NAAA: variants seen among roughly 807,000 people sequenced by gnomAD.
The protein encoded by NAAA is N-acylethanolamine acid amidase.
In NAAA, 39 loss-of-function variants were observed where a neutral mutation model predicts 44.8. The ratio of observed to expected loss-of-function variants is 0.87; its 90% CI spans 0.67 to 1.14. The LOEUF is 1.14. NAAA is among the 50% of genes most tolerant of loss of function. The pLI is 0.00. For missense variants in NAAA, 460 were observed against 467.8 expected, an observed-to-expected ratio of 0.98 and a Z score of 0.15; for synonymous variants, 178 against 191.3, an observed-to-expected ratio of 0.93 and a Z score of 0.58.
chr4:75,940,130 CCGATTAA>C lies in NAAA; in HGVS notation c.235_241del (p.Leu79GlufsTer26). 1 of 1,614,108 alleles carries C rather than the reference CCGATTAA, an allele frequency of 6.2e-7. No individual in the cohort carries two copies. The highest frequency in any genetic ancestry group is 8.5e-7 in the Non-Finnish European group (1 of 1,180,038). On this transcript the variant is annotated frameshift_variant, in exon 2 of 11. Coordinates refer to ENST00000286733, the MANE Select transcript of NAAA (RefSeq NM_014435.4). LOFTEE classifies it high-confidence loss of function. ...GCGCTCCAGCTCCAGGACCACTTTT[CCGATTAA>C]CACGTGCACCCACTTGGGGACTCTG...
intron 4 of NAAA, among the ~76,000 whole-genome samples, chr4:75,929,725 C>T (rs1388580241): frequency 2.6e-5 from 4 of 152,142 alleles, no homozygotes; most frequent in African/African-American, 7.2e-5. Flanking sequence ...TAAAGAACTG[C>T]TTACTGTGGA....
Position 75,939,979 on chromosome 4 carries a change from C to A in NAAA, c.371+22G>T, listed in dbSNP as rs1356391017. On this transcript the variant is annotated intron_variant, in intron 2 of 10. Coordinates refer to ENST00000286733, the MANE Select transcript of NAAA (RefSeq NM_014435.4). ...GGCCCCCGCAAGCCCCGCGTTACTC[C>A]GCGCGGGCTTGGGGCACTCACACGG... 6 of 1,611,062 alleles carry A rather than the reference C, an allele frequency of 3.7e-6. No homozygotes were observed. The East Asian group carries it at 1.1e-4, about 30-fold the overall frequency.
rs377467304 is a variant in NAAA, at chr4:75,931,256, C to G, written c.547G>C (p.Gly183Arg). 3.7e-6 allele frequency: 6 copies of G among 1,612,796 alleles called. No homozygotes were observed. The African/African-American group carries it at 6.7e-5, about 18-fold the overall frequency. Residue 183 changes from glycine to arginine, a missense_variant, in exon 4 of 11, where the codon GGC becomes CGC. Transcript: ENST00000286733. ...TFIGYVGLWT[G>R]QSPHKFTVSG... ...ACTGTAAACTTGTGTGGGCTCTGGC[C>G]AGTCCATAATCCTACATAGCCAATA...
intron 4 of NAAA, 60 bp downstream of exon 4, chr4:75,931,154 T>G (rs1727191993): frequency 1.5e-6 from 2 of 1,367,180 alleles, no homozygotes; most frequent in Non-Finnish European, 2.1e-6. Context: ...GTGAAGGAAG[T>G]GCTTGGATAG....
Position 75,919,824 on chromosome 4 carries a change from C to G in NAAA, c.969+85G>C, listed in dbSNP as rs1280600450. Reference sequence around the variant, plus strand: ...CTTTTACCCTAACGTTTTCATCTACCAGAAGATTTCACGGAGTTTTTCATA... The same window carrying G: ...CTTTTACCCTAACGTTTTCATCTACGAGAAGATTTCACGGAGTTTTTCATA... On this transcript the variant is annotated intron_variant, in intron 8 of 10. Coordinates refer to ENST00000286733, the MANE Select transcript of NAAA (RefSeq NM_014435.4). 3.1e-6 allele frequency: 4 copies of G among 1,308,920 alleles called. No individual in the cohort carries two copies. In the African/African-American group the frequency reaches 5.8e-5, roughly 19 times the overall value. 81.1% of individuals were successfully genotyped at this position (1,308,920 alleles called of 1,614,324 possible). A position where few individuals can be genotyped will look rare whatever the true frequency, so the allele number is the denominator to read the frequency against.
intron 4 of NAAA, 104 bp from the exon 5 acceptor site, chr4:75,925,915 G>T: frequency 9.3e-7 from 1 of 1,080,132 alleles, no homozygotes; most frequent in Non-Finnish European, 1.4e-6. Flanking sequence ...ATTCACTCAA[G>T]TTTTGAAAGC....
rs765322888 is a variant in NAAA, at chr4:75,931,257, A to C, written c.546T>G (p.Thr182=). 1 of 1,613,158 alleles carries C rather than the reference A, an allele frequency of 6.2e-7. No homozygotes were observed. The highest frequency in any genetic ancestry group is 1.1e-5 in the South Asian group (1 of 91,020). The part of the protein sequence containing the change: ...TTFIGYVGLW[T]GQSPHKFTVS... ...CTGTAAACTTGTGTGGGCTCTGGCC[A>C]GTCCATAATCCTACATAGCCAATAA... Residue 182 remains threonine, a synonymous_variant, in exon 4 of 11, where the codon ACT becomes ACG. Coordinates refer to ENST00000286733, the MANE Select transcript of NAAA (RefSeq NM_014435.4).
In NAAA at chr4:75,930,508, C is replaced by A. The variant is rs187891359; in HGVS notation, c.589+706G>T. 1,276 of 518,050 alleles carry A rather than the reference C, an allele frequency of 2.5e-3. 12 individuals carry two copies. The Middle Eastern group carries it at 0.026, about 11-fold the overall frequency. 32.1% of individuals were successfully genotyped at this position (518,050 alleles called of 1,614,324 possible). A position where few individuals can be genotyped will look rare whatever the true frequency, so the allele number is the denominator to read the frequency against. ...TAAGAAGAAGACATGTGAGGATGTACATGGTAAACCAGAAAGTGCTTTACA... is the reference window on the plus strand; with the variant it reads ...TAAGAAGAAGACATGTGAGGATGTAAATGGTAAACCAGAAAGTGCTTTACA... On this transcript the variant is annotated intron_variant, in intron 4 of 10. Coordinates refer to ENST00000286733, the MANE Select transcript of NAAA (RefSeq NM_014435.4).
Position 75,914,334 on chromosome 4 carries a change from A to C in NAAA, c.*41T>G. ...CTTCAAGAATTTCATTTTTTAAAAA[A>C]TCATCTGTAAGGGAAGAAAAAAACG... On this transcript the variant is annotated 3_prime_UTR_variant, in exon 11 of 11. Transcript: ENST00000286733. 4.1e-6 allele frequency: 4 copies of C among 981,028 alleles called. No individual in the cohort carries two copies. Among genetic ancestry groups the C allele is most frequent in the Non-Finnish European group, 4.8e-6 (4 of 825,780 alleles). 60.8% of individuals were successfully genotyped at this position (981,028 alleles called of 1,614,324 possible).
At chr4:75,923,294 T>G (rs1435295634) in intron 5 of NAAA, among the ~76,000 whole-genome samples, 2 of 152,136 alleles carry the variant, frequency 1.3e-5, no homozygotes. Flanking sequence ...ACCTTTTTGA[T>G]ACAGGAGATA....
chr4:75,913,145 T>C (rs1725398141), downstream of NAAA, among the ~76,000 whole-genome samples: 1 of 152,182 alleles, frequency 6.6e-6, no homozygotes, highest in Non-Finnish European at 1.5e-5. Flanking sequence ...GTAGATTTAC[T>C]GAGCACGAGA....
Position 75,913,780 on chromosome 4 carries a change from CT to C in NAAA, c.*594del, listed in dbSNP as rs1725431054. 1.0e-6 allele frequency: 1 copy of C among 983,630 alleles called. No individual in the cohort carries two copies. The highest frequency in any genetic ancestry group is 1.2e-6 in the Non-Finnish European group (1 of 828,442). 60.9% of individuals were successfully genotyped at this position (983,630 alleles called of 1,614,324 possible). A position where few individuals can be genotyped will look rare whatever the true frequency, so the allele number is the denominator to read the frequency against. ...TTTTCAAAAAGCAGTAAGAAAGTAG[CT>C]ATTGAGAAAGAAGGAGGGCCATAGG... On this transcript the variant is annotated 3_prime_UTR_variant, in exon 11 of 11. Transcript: ENST00000286733.
At chr4:75,918,632 T>A in intron 9 of NAAA, 129 bp downstream of exon 9, 1 of 850,826 alleles carries the variant, frequency 1.2e-6, no homozygotes, top group South Asian at 1.5e-5. Context: ...CCCACAGGAG[T>A]GCCCCCACAG....
At chr4:75,919,779 A>G in intron 8 of NAAA, 130 bp downstream of exon 8, 2 of 939,806 alleles carry the variant, frequency 2.1e-6, no homozygotes, top group African/African-American at 1.6e-5. Flanking sequence ...CTTTTAATAC[A>G]TGATTTCAAC....
At chr4:75,918,460 A>G (rs1273003821) in intron 9 of NAAA, among the ~76,000 whole-genome samples, 2 of 150,638 alleles carry the variant, frequency 1.3e-5, no homozygotes, top group African/African-American at 5.0e-5. Context: ...GGCTCAAGAA[A>G]AAAAAAAATT....
At chr4:75,931,609 C>T (rs1727238305) in intron 3 of NAAA, among the ~76,000 whole-genome samples, 1 of 152,150 alleles carries the variant, frequency 6.6e-6, no homozygotes, top group Non-Finnish European at 1.5e-5. Context: ...CAACAAATCA[C>T]ACAATCATAG....
chr4:75,913,756 T>G lies in NAAA; in HGVS notation c.*619A>C. The G allele has an allele frequency of 2.0e-6, 2 of 982,876 alleles. No homozygotes were observed. Among genetic ancestry groups the G allele is most frequent in the Non-Finnish European group, 2.4e-6 (2 of 827,706 alleles). The allele number at this position is 982,876 out of a possible 1,614,324, so 60.9% of individuals were successfully genotyped here. A position where few individuals can be genotyped will look rare whatever the true frequency, so the allele number is the denominator to read the frequency against. ...AAGAAATAATTTGGTTGCATATTAT[T>G]TTCAAAAAGCAGTAAGAAAGTAGCT... On this transcript the variant is annotated 3_prime_UTR_variant, in exon 11 of 11. Transcript: ENST00000286733.
In NAAA at chr4:75,918,777, C is replaced by G; in HGVS notation, c.982G>C (p.Val328Leu). Residue 328 changes from valine (V) to leucine (L), a missense_variant, in exon 9 of 11, where the codon GTT becomes CTT. Physicochemically the swap from Val to Leu is conservative, Grantham distance 32. Transcript: ENST00000286733. ...GCCACTTACTTGTTATAAACTGGAA[C>G]CACCGACAAAATCTGCATAGGAAAA... is the stretch of plus-strand genomic sequence containing the variant. Reference protein sequence around the residue: ...LEALFQILSVVPVYNNFTIYT... With the variant: ...LEALFQILSVLPVYNNFTIYT... The G allele has an allele frequency of 6.2e-7, 1 of 1,613,004 alleles. No individual in the cohort carries two copies. The highest frequency in any genetic ancestry group is 1.1e-5 in the South Asian group (1 of 91,066).
Position 75,919,933 on chromosome 4 carries a change from G to A in NAAA, c.945C>T (p.Asn315=), listed in dbSNP as rs767425455. 3 of 1,613,916 alleles carry A rather than the reference G, an allele frequency of 1.9e-6. No individual in the cohort carries two copies. In the South Asian group the frequency reaches 3.3e-5, roughly 18 times the overall value. Residue 315 remains asparagine, a synonymous_variant, in exon 8 of 11, where the codon AAC becomes AAT. Transcript: ENST00000286733. ...IKALNATGQA[N]LSLEALFQIL... ...CCTGGAAAAGTGCCTCCAGGCTGAG[G>A]TTTGCTTGTCCTGTAGCATTAAGGG... is the stretch of plus-strand genomic sequence containing the variant.
Sources: allele counts gnomAD v4.1 joint callset (sites outside exome capture counted in the v4.1 genomes callset), GRCh38; gene constraint gnomAD v4.1.1; transcripts MANE v1.5; gene names NCBI Gene and HGNC (gene_info 2026-07-23, HGNC 2026-07-21).